The following DAB1 variants were observed in gnomAD, a reference collection of about 807,000 sequenced individuals.
DAB1 encodes DAB adaptor protein 1.
A neutral mutation model predicts 64.6 loss-of-function variants in DAB1; 15 were observed. The observed-to-expected ratio is 0.23, with a 90% CI of 0.16 to 0.36. The LOEUF (loss-of-function observed/expected upper bound fraction) is 0.36. DAB1 is among the 10% of genes least tolerant of loss of function. The probability of loss-of-function intolerance (pLI) is 1.00; values close to 1 mark genes in which losing one functional copy is unlikely to be tolerated. For missense variants in DAB1, 596 were observed against 706.7 expected, an observed-to-expected ratio of 0.84 and a Z score of 1.78; for synonymous variants, 235 against 251.9, an observed-to-expected ratio of 0.93 and a Z score of 0.64.
chr1:57,524,505 TG>T (rs1644568000), intron 7 of DAB1, among the ~76,000 whole-genome samples: 1 of 152,038 alleles, frequency 6.6e-6, no homozygotes, highest in African/African-American at 2.4e-5. Flanking sequence ...GTCAGCAAAG[TG>T]TGGTGGATTA....
At chr1:57,472,993 T>G (rs2101212472) in intron 7 of DAB1, among the ~76,000 whole-genome samples, 1 of 152,242 alleles carries the variant, frequency 6.6e-6, no homozygotes, top group East Asian at 1.9e-4. Flanking sequence ...GTAGGAAGGG[T>G]TTGCTTTATT....
intron 3 of DAB1, among the ~76,000 whole-genome samples, chr1:58,352,761 C>A (rs1331113179): frequency 3.3e-5 from 5 of 152,016 alleles, no homozygotes; most frequent in African/African-American, 9.7e-5. Context: ...GTGGTGGGGC[C>A]TTTGAGAGGT....
intron 2 of DAB1, among the ~76,000 whole-genome samples, chr1:58,513,644 A>C (rs2100433408): frequency 6.6e-6 from 1 of 152,336 alleles, no homozygotes; most frequent in South Asian, 2.1e-4. Context: ...GAGAGACTAC[A>C]GGTTTTAGAA....
intron 7 of DAB1, among the ~76,000 whole-genome samples, chr1:57,621,642 G>A (rs750095190): frequency 3.3e-5 from 5 of 152,158 alleles, no homozygotes; most frequent in Non-Finnish European, 5.9e-5. Context: ...GATCTGGCAT[G>A]TGATCCAGCA....
intron 9 of DAB1, among the ~76,000 whole-genome samples, chr1:57,029,823 G>A (rs1646911489): frequency 6.6e-6 from 1 of 152,142 alleles, no homozygotes; most frequent in African/African-American, 2.4e-5. Context: ...TTGTATCTTG[G>A]AAGTAACTAG....
intron 4 of DAB1, among the ~76,000 whole-genome samples, chr1:58,301,429 A>G (rs1225931457): frequency 6.6e-6 from 1 of 152,194 alleles, no homozygotes; most frequent in Non-Finnish European, 1.5e-5. Context: ...TGCCCATAAC[A>G]GCTTTGAATG....
At chr1:57,353,705 C>G (rs1242754183) in intron 1 of DAB1, among the ~76,000 whole-genome samples, 1 of 152,116 alleles carries the variant, frequency 6.6e-6, no homozygotes, top group African/African-American at 2.4e-5. Flanking sequence ...CTGCCTGAGT[C>G]TAAAGCTGGT....
rs1654189688 is a variant in DAB1 at position 58,140,046 on chromosome 1, G to T, written n.387+10465C>A. ...AATGGCATATTTTGTGCATCTGGAA[G>T]ATTAACCATCCTCCCACCCCTACCG... On this transcript the variant is annotated intron_variant and non_coding_transcript_variant, in intron 5 of 20. Transcript: ENST00000485760. 1.3e-5 allele frequency among the ~76,000 whole-genome samples: 2 copies of T among 152,184 alleles called. 1 individual carries two copies. The highest frequency in any genetic ancestry group is 4.1e-4 in the South Asian group (2 of 4,822).
chr1:58,232,476 T>C (rs1570517925), intron 4 of DAB1, among the ~76,000 whole-genome samples: 5 of 144,130 alleles, frequency 3.5e-5, no homozygotes, highest in African/African-American at 5.2e-5. Context: ...TCTGAGTGAA[T>C]ACACACACAC....
chr1:57,070,845 T>G, intron 7 of DAB1, 178 bp downstream of exon 7: 1 of 658,426 alleles, frequency 1.5e-6, no homozygotes, highest in Non-Finnish European at 2.8e-6. Context: ...CGGCCAAACT[T>G]CTGTTAGTTT....
At chr1:58,359,981 T>C (rs1363244747) in intron 3 of DAB1, among the ~76,000 whole-genome samples, 1 of 152,190 alleles carries the variant, frequency 6.6e-6, no homozygotes, top group Non-Finnish European at 1.5e-5. Context: ...CAATATCAAC[T>C]ACCTTGCTTG....
intron 2 of DAB1, 121 bp downstream of exon 2, chr1:57,290,843 A>G: frequency 1.7e-6 from 1 of 597,496 alleles, no homozygotes; most frequent in Non-Finnish European, 2.9e-6. Context: ...CAAAACACAC[A>G]AAATAACTAT....
intron 1 of DAB1, among the ~76,000 whole-genome samples, chr1:57,827,940 CTTTG>C (rs535162908): frequency 3.9e-5 from 6 of 152,226 alleles, no homozygotes; most frequent in East Asian, 1.9e-4. Context: ...TCATCCCTAT[CTTTG>C]TTTGTTTGTT....
chr1:58,007,188 A>T (rs916984247), intron 5 of DAB1, among the ~76,000 whole-genome samples: 12 of 152,184 alleles, frequency 7.9e-5, no homozygotes, highest in Non-Finnish European at 1.5e-4. Flanking sequence ...AGATCCCACA[A>T]AGAGGCTGAT....
intron 2 of DAB1, among the ~76,000 whole-genome samples, chr1:57,236,727 A>T (rs1668113727): frequency 6.6e-6 from 1 of 152,178 alleles, no homozygotes; most frequent in South Asian, 2.1e-4. Context: ...AGTAGAACAC[A>T]TCACTCTGAA....
chr1:57,433,924 T>C (rs1373609737), intron 7 of DAB1, among the ~76,000 whole-genome samples: 1 of 150,590 alleles, frequency 6.6e-6, no homozygotes, highest in Non-Finnish European at 1.5e-5. Context: ...CAGAGGAATA[T>C]GCAAAGAAAA....
At chr1:57,913,889 A>T (rs1358111284) in intron 5 of DAB1, among the ~76,000 whole-genome samples, 1 of 152,224 alleles carries the variant, frequency 6.6e-6, no homozygotes, top group Non-Finnish European at 1.5e-5. Context: ...TCAAAACCAC[A>T]TTGAGATACC....
chr1:58,398,134 TC>T (rs1644538418), intron 3 of DAB1, among the ~76,000 whole-genome samples: 1 of 152,088 alleles, frequency 6.6e-6, no homozygotes, highest in Non-Finnish European at 1.5e-5. Context: ...GTTCCCTGCT[TC>T]CCCACATAAA....
At chr1:57,531,546 T>A (rs1296842136) in intron 7 of DAB1, among the ~76,000 whole-genome samples, 3 of 152,132 alleles carry the variant, frequency 2.0e-5, no homozygotes, top group Non-Finnish European at 4.4e-5. Context: ...GGAAGAGAAG[T>A]AATCAGAAAC....
Sources: allele counts gnomAD v4.1 joint callset (sites outside exome capture counted in the v4.1 genomes callset), GRCh38; gene constraint gnomAD v4.1.1; transcripts MANE v1.5; gene names NCBI Gene and HGNC (gene_info 2026-07-23, HGNC 2026-07-21).